The following JAKMIP2 variants were observed in gnomAD, a reference collection of about 807,000 sequenced individuals.
The protein encoded by JAKMIP2 is janus kinase and microtubule interacting protein 2, also known as janus kinase and microtubule-interacting protein 2.
Under a neutral mutation model 115.0 loss-of-function variants are expected in JAKMIP2, and 25 were observed. The ratio of observed to expected loss-of-function variants is 0.22; its 90% CI spans 0.16 to 0.30. The LOEUF (loss-of-function observed/expected upper bound fraction) is 0.30. Among genes scored for constraint, JAKMIP2 ranks in the 10% least tolerant of loss-of-function variants. JAKMIP2 has a pLI of 1.00. For missense variants in JAKMIP2, 642 were observed against 957.6 expected (o/e 0.67, Z 4.35); for synonymous variants, 334 against 343.6 (o/e 0.97, Z 0.31).
chr5:147,666,828 G>A (rs1759321542), intron 2 of JAKMIP2, among the ~76,000 whole-genome samples: 1 of 152,102 alleles, frequency 6.6e-6, no homozygotes, highest in South Asian at 2.1e-4. Flanking sequence ...GATTGATATA[G>A]GCAATGGATC....
At chr5:147,781,119 C>A (rs1181755840) in intron 1 of JAKMIP2, among the ~76,000 whole-genome samples, 2 of 152,174 alleles carry the variant, frequency 1.3e-5, no homozygotes, top group Non-Finnish European at 2.9e-5. Context: ...CAGCTACAAG[C>A]CACACATTCT....
chr5:147,671,364 A>G (rs978780203), intron 2 of JAKMIP2, among the ~76,000 whole-genome samples: 2 of 152,220 alleles, frequency 1.3e-5, no homozygotes, highest in Admixed American at 6.5e-5. Flanking sequence ...AACTTGCCCA[A>G]GGTCATGCAA....
chr5:147,660,759 G>T, intron 3 of JAKMIP2, 189 bp downstream of exon 3: 1 of 615,024 alleles, frequency 1.6e-6, no homozygotes, highest in Non-Finnish European at 2.8e-6. Flanking sequence ...TTTCAATTTT[G>T]GCCTGAGCAT....
intron 1 of JAKMIP2, among the ~76,000 whole-genome samples, chr5:147,761,319 A>C (rs984529811): frequency 6.6e-6 from 1 of 152,128 alleles, no homozygotes; most frequent in South Asian, 2.1e-4. Flanking sequence ...AATTGTTATA[A>C]GAATTTTATA....
Position 147,755,260 on chromosome 5 carries a change from T to A in JAKMIP2, c.-149+27196A>T, listed in dbSNP as rs1393996889. On this transcript the variant is annotated intron_variant, in intron 1 of 21. Transcript: ENST00000616793. ...GCAGTGAGGACAAAGAAGATTAGGATGTCCCCCCTTTTGGGACTGAACCAA... is the reference window on the plus strand; with the variant it reads ...GCAGTGAGGACAAAGAAGATTAGGAAGTCCCCCCTTTTGGGACTGAACCAA... Among the ~76,000 whole-genome samples, 3 of 151,702 alleles carry A rather than the reference T, an allele frequency of 2.0e-5. No homozygotes were observed. The East Asian group carries it at 5.8e-4, about 29-fold the overall frequency.
At chr5:147,617,613 G>A (rs1756652930) in intron 19 of JAKMIP2, among the ~76,000 whole-genome samples, 1 of 152,124 alleles carries the variant, frequency 6.6e-6, no homozygotes, top group Non-Finnish European at 1.5e-5. Flanking sequence ...CTGCTTCCCT[G>A]CATAAGGCAG....
rs1755050886 is a variant in JAKMIP2, at chr5:147,590,345, C to G, written c.*1362G>C. The G allele has an allele frequency of 6.6e-6, 1 of 152,188 alleles. No individual in the cohort carries two copies. Among genetic ancestry groups the G allele is most frequent in the South Asian group, 2.1e-4 (1 of 4,832 alleles). 9.4% of individuals were successfully genotyped at this position (152,188 alleles called of 1,614,324 possible). ...AGGTGTAAAATTAGCTTTTCAGGAA[C>G]ATACATTTGCTCTCAGAGATGACTC... is the stretch of plus-strand genomic sequence containing the variant. On this transcript the variant is annotated 3_prime_UTR_variant, in exon 22 of 22. Coordinates refer to ENST00000616793, the MANE Select transcript of JAKMIP2 (RefSeq NM_001270941.2).
intron 19 of JAKMIP2, among the ~76,000 whole-genome samples, chr5:147,615,521 G>A (rs1268641448): frequency 2.6e-5 from 4 of 152,004 alleles, no homozygotes; most frequent in East Asian, 1.9e-4. Flanking sequence ...AGAGACCTGC[G>A]TAAGACTCTA....
chr5:147,698,263 G>A (rs1752185197), intron 1 of JAKMIP2, among the ~76,000 whole-genome samples: 1 of 152,136 alleles, frequency 6.6e-6, no homozygotes, highest in South Asian at 2.1e-4. Context: ...TTTACCCAAT[G>A]CCTGCACCCC....
At chr5:147,641,536 AC>A (rs1215400237) in intron 8 of JAKMIP2, among the ~76,000 whole-genome samples, 171 bp downstream of exon 8, 5 of 152,190 alleles carry the variant, frequency 3.3e-5, no homozygotes, top group African/African-American at 1.2e-4. Context: ...TCATTTTTAG[AC>A]TTCGAAGAAA....
intron 1 of JAKMIP2, among the ~76,000 whole-genome samples, chr5:147,729,132 G>C (rs10476888): frequency 6.6e-6 from 1 of 152,126 alleles, no homozygotes; most frequent in African/African-American, 2.4e-5. Context: ...GGGAAGGGAG[G>C]GAGGAATTTC....
chr5:147,588,170 CCT>C lies in JAKMIP2; in HGVS notation c.*3535_*3536del, dbSNP rs748607890. 4.6e-5 allele frequency: 7 copies of C among 151,916 alleles called. No homozygotes were observed. Among genetic ancestry groups the C allele is most frequent in the South Asian group, 4.2e-4 (2 of 4,802 alleles). 9.4% of individuals were successfully genotyped at this position (151,916 alleles called of 1,614,324 possible). A position where few individuals can be genotyped will look rare whatever the true frequency, so the allele number is the denominator to read the frequency against. On this transcript the variant is annotated 3_prime_UTR_variant, in exon 22 of 22. Coordinates refer to ENST00000616793, the MANE Select transcript of JAKMIP2 (RefSeq NM_001270941.2). ...AAAGATAGTCTCTCTATGTTTTTCC[CCT>C]CTTTCATGAAATTTTTCTATCCTGA...
intron 1 of JAKMIP2, among the ~76,000 whole-genome samples, chr5:147,730,670 G>T (rs1019679967): frequency 3.9e-5 from 6 of 152,040 alleles, no homozygotes; most frequent in Non-Finnish European, 8.8e-5. Flanking sequence ...TGGCCAGGCT[G>T]GTCTTGAACT....
At chr5:147,601,715 A>T in intron 21 of JAKMIP2, 26 bp downstream of exon 21, 1 of 1,485,438 alleles carries the variant, frequency 6.7e-7, no homozygotes, top group South Asian at 1.3e-5. Context: ...TTAGAACCAC[A>T]TTTTGAGAAT....
chr5:147,780,420 AAT>A (rs1268058363), intron 1 of JAKMIP2, among the ~76,000 whole-genome samples: 1 of 152,232 alleles, frequency 6.6e-6, no homozygotes, highest in Non-Finnish European at 1.5e-5. Flanking sequence ...CATTGCATGA[AAT>A]GGGGTCAACT....
chr5:147,753,661 G>C (rs761209060), intron 1 of JAKMIP2, among the ~76,000 whole-genome samples: 1 of 152,120 alleles, frequency 6.6e-6, no homozygotes, highest in African/African-American at 2.4e-5. Context: ...TCTAGATCAG[G>C]CATTAAAGAA....
At chr5:147,738,275 C>T (rs1448875185) in intron 1 of JAKMIP2, among the ~76,000 whole-genome samples, 3 of 152,094 alleles carry the variant, frequency 2.0e-5, no homozygotes, top group Non-Finnish European at 2.9e-5. Context: ...TCCATCAGAG[C>T]CCCATATAAA....
At chr5:147,692,030 T>G (rs1352060800) in intron 1 of JAKMIP2, among the ~76,000 whole-genome samples, 1 of 152,132 alleles carries the variant, frequency 6.6e-6, no homozygotes, top group African/African-American at 2.4e-5. Flanking sequence ...GAAGCTGTTG[T>G]TGGTTGAGTC....
At chr5:147,649,944 C>T (rs7725921) in intron 4 of JAKMIP2, among the ~76,000 whole-genome samples, 2,824 of 152,216 alleles carry the variant, frequency 0.019, 107 homozygotes, top group African/African-American at 0.064. Flanking sequence ...TGCAGTTATA[C>T]ATTTTGACCC....
Sources: allele counts gnomAD v4.1 joint callset (sites outside exome capture counted in the v4.1 genomes callset), GRCh38; gene constraint gnomAD v4.1.1; transcripts MANE v1.5; gene names NCBI Gene and HGNC (gene_info 2026-07-23, HGNC 2026-07-21).